SLC17A4: variants seen among roughly 807,000 people sequenced by gnomAD.
SLC17A4 encodes probable small intestine urate exporter.
A neutral mutation model predicts 52.5 loss-of-function variants in SLC17A4; 33 were observed. The observed-to-expected ratio is 0.63, with a 90% CI of 0.48 to 0.84. The LOEUF is 0.84. SLC17A4 is among the 40% of genes least tolerant of loss of function. The pLI is 0.00. For synonymous variants in SLC17A4, 225 were observed against 216.2 expected (o/e 1.04, Z -0.36); for missense variants, 585 against 597.1 (o/e 0.98, Z 0.21).
chr6:25,773,809 G>A (rs1440134002), intron 8 of SLC17A4, 135 bp downstream of exon 8: 4 of 788,458 alleles, frequency 5.1e-6, no homozygotes, highest in Non-Finnish European at 7.8e-6. Context: ...TATAGGAAAT[G>A]CAATCTAGTT....
intron 11 of SLC17A4, among the ~76,000 whole-genome samples, 198 bp from the exon 12 acceptor site, chr6:25,778,856 C>T (rs754288861): frequency 2.2e-4 from 34 of 152,222 alleles, no homozygotes; most frequent in Non-Finnish European, 3.7e-4. Context: ...GGAGGAGGAG[C>T]GTTCCAGCCA....
chr6:25,765,926 C>T lies in SLC17A4; in HGVS notation c.92-3059C>T, dbSNP rs996834779. 2.6e-5 allele frequency among the ~76,000 whole-genome samples: 4 copies of T among 151,910 alleles called. No homozygotes were observed. In the East Asian group the frequency reaches 7.7e-4, roughly 29 times the overall value. On this transcript the variant is annotated intron_variant, in intron 2 of 11. Coordinates refer to ENST00000377905, the MANE Select transcript of SLC17A4 (RefSeq NM_005495.3). Reference sequence around the variant, plus strand: ...AATGATGCTACTCAAGGCAATAAAACAATCCACTACTCAGATTAATCAGGC... The same window carrying T: ...AATGATGCTACTCAAGGCAATAAAATAATCCACTACTCAGATTAATCAGGC...
intron 8 of SLC17A4, among the ~76,000 whole-genome samples, chr6:25,775,338 A>AT (rs1247528052): frequency 1.3e-5 from 2 of 151,300 alleles, no homozygotes; most frequent in Non-Finnish European, 2.9e-5. Flanking sequence ...GTCTAAAAAA[A>AT]AAATAGAAAG....
chr6:25,778,779 A>C (rs1763146806), intron 11 of SLC17A4, among the ~76,000 whole-genome samples: 1 of 152,236 alleles, frequency 6.6e-6, no homozygotes, highest in African/African-American at 2.4e-5. Context: ...CACCGTAATC[A>C]CTTGCTTAAA....
intron 2 of SLC17A4, among the ~76,000 whole-genome samples, chr6:25,766,923 A>C (rs907768368): frequency 6.6e-6 from 1 of 152,230 alleles, no homozygotes; most frequent in Non-Finnish European, 1.5e-5. Context: ...GGAACAGAAA[A>C]AGGACATTAG....
intron 1 of SLC17A4, among the ~76,000 whole-genome samples, chr6:25,758,986 A>G (rs1176487339): frequency 1.3e-5 from 2 of 151,988 alleles, no homozygotes; most frequent in Non-Finnish European, 2.9e-5. Context: ...AGAGGTTTTG[A>G]TAGGTTATGT....
At chr6:25,771,898 C>T (rs760060783) in intron 6 of SLC17A4, among the ~76,000 whole-genome samples, 49 of 152,122 alleles carry the variant, frequency 3.2e-4, no homozygotes, top group Non-Finnish European at 6.0e-4. Flanking sequence ...TATTTTACTA[C>T]GTTACAGTTT....
chr6:25,768,225 C>A, intron 2 of SLC17A4: 2 of 248,584 alleles, frequency 8.0e-6, no homozygotes, highest in Non-Finnish European at 1.3e-5. Context: ...CATTACTACA[C>A]AAAATGAAAC....
intron 4 of SLC17A4, 35 bp downstream of exon 4, chr6:25,770,335 A>G: frequency 6.2e-7 from 1 of 1,613,802 alleles, no homozygotes; most frequent in Non-Finnish European, 8.5e-7. Context: ...AGTGGAATAT[A>G]GGTTCCAGAA....
intron 6 of SLC17A4, 82 bp from the exon 7 acceptor site, chr6:25,773,193 G>C (rs1192894454): frequency 1.8e-6 from 2 of 1,097,994 alleles, no homozygotes; most frequent in East Asian, 4.7e-5. Flanking sequence ...CAGTCACTCT[G>C]TCAACCACAG....
At chr6:25,758,782 G>A (rs964616595) in intron 1 of SLC17A4, among the ~76,000 whole-genome samples, 26 of 151,352 alleles carry the variant, frequency 1.7e-4, no homozygotes, top group African/African-American at 6.3e-4. Flanking sequence ...TTGTTTGTTT[G>A]TTTCAATTTC....
Position 25,769,011 on chromosome 6 carries a change from G to A in SLC17A4, c.118G>A (p.Ala40Thr). 6.2e-7 allele frequency: 1 copy of A among 1,613,992 alleles called. No homozygotes were observed. The highest frequency in any genetic ancestry group is 8.5e-7 in the Non-Finnish European group (1 of 1,179,984). ...TTTTTGTTCAGTCCGACATGGGCTGGCCCTCATCTTGCAGCTCTGTAATTT... is the reference window on the plus strand; with the variant it reads ...TTTTTGTTCAGTCCGACATGGGCTGACCCTCATCTTGCAGCTCTGTAATTT... ...KGFCSVRHGL[A>T]LILQLCNFSI... The change falls in exon 3 of 12, where the codon GCC (alanine) becomes ACC (threonine). Residue 40 changes from alanine (A) to threonine (T), a missense_variant. Transcript: ENST00000377905.
At chr6:25,768,685 A>T (rs1370890024) in intron 2 of SLC17A4, among the ~76,000 whole-genome samples, 1 of 151,834 alleles carries the variant, frequency 6.6e-6, no homozygotes, top group African/African-American at 2.4e-5. Context: ...CTCTAAATCC[A>T]CTTCTTCCCA....
At chr6:25,764,054 C>T (rs146716822) in intron 2 of SLC17A4, among the ~76,000 whole-genome samples, 15 of 152,290 alleles carry the variant, frequency 9.8e-5, no homozygotes, top group African/African-American at 2.9e-4. Context: ...CCATGTGCAT[C>T]ACAAAGTGGG....
chr6:25,766,231 A>G (rs1762007496), intron 2 of SLC17A4, among the ~76,000 whole-genome samples: 1 of 151,590 alleles, frequency 6.6e-6, no homozygotes, highest in Non-Finnish European at 1.5e-5. Context: ...ATACATGTCA[A>G]AAAACAACTA....
At chr6:25,776,149 A>G (rs1006405196) in intron 8 of SLC17A4, among the ~76,000 whole-genome samples, 1 of 56,164 alleles carries the variant, frequency 1.8e-5, no homozygotes, top group African/African-American at 3.2e-5. Flanking sequence ...AGAGCATGCC[A>G]AAAAAAAATG....
chr6:25,770,879 C>T (rs917250455), intron 5 of SLC17A4, 47 bp from the exon 6 acceptor site: 1 of 1,466,070 alleles, frequency 6.8e-7, no homozygotes, highest in African/African-American at 1.4e-5. Flanking sequence ...ACATAGAGCC[C>T]CAAGACGAGT....
rs370305015 is a variant in SLC17A4 at position 25,766,290 on chromosome 6, GAAAC to G, written c.92-2687_92-2684del. Among the ~76,000 whole-genome samples, 38 of 151,868 alleles carry G rather than the reference GAAAC, an allele frequency of 2.5e-4. No individual in the cohort carries two copies. The East Asian group carries it at 3.3e-3, about 13-fold the overall frequency. On this transcript the variant is annotated intron_variant, in intron 2 of 11. Coordinates refer to ENST00000377905, the MANE Select transcript of SLC17A4 (RefSeq NM_005495.3). ...AGTTATTCCTTTTAAAACAAACACA[GAAAC>G]AAACAAATATATTCTAGTAGTTTCA...
intron 5 of SLC17A4, 22 bp from the exon 6 acceptor site, chr6:25,770,904 C>T (rs1354886581): frequency 6.3e-7 from 1 of 1,596,682 alleles, no homozygotes; most frequent in Non-Finnish European, 8.6e-7. Context: ...TCACCCAGAA[C>T]ATCCTCGCCT....
Sources: allele counts gnomAD v4.1 joint callset (sites outside exome capture counted in the v4.1 genomes callset), GRCh38; gene constraint gnomAD v4.1.1; transcripts MANE v1.5; gene names NCBI Gene and HGNC (gene_info 2026-07-23, HGNC 2026-07-21).